Variants in PCDHGA4 observed in about 807,000 individuals in gnomAD.
The protein encoded by PCDHGA4 is protocadherin gamma-A4.
PCDHGA4 carries 38 observed loss-of-function variants against 54.6 expected under a neutral mutation model. That is an observed-to-expected ratio of 0.70 (90% CI 0.54 to 0.91). The LOEUF (loss-of-function observed/expected upper bound fraction) is 0.91. PCDHGA4 is among the 40% of genes least tolerant of loss of function. The pLI, the probability that PCDHGA4 is intolerant of heterozygous loss-of-function variation, is 0.00. For missense variants in PCDHGA4, 1,298 were observed against 1,220.9 expected (o/e 1.06, Z -0.94); for synonymous variants, 511 against 512.9 (o/e 1.00, Z 0.05).
chr5:141,476,023 G>T lies in PCDHGA4; in HGVS notation c.2515-18784G>T. On this transcript the variant is annotated intron_variant, in intron 1 of 3. Coordinates refer to ENST00000571252, the MANE Select transcript of PCDHGA4 (RefSeq NM_018917.4). The surrounding 1 kb of genome is among the most constrained non-coding windows in gnomAD (Gnocchi z 7.6). Reference sequence around the variant, plus strand: ...CATCCAGAAAGCCATGTCGGACTCGGCGCCCAGCGCCCAAGCGCTAACCCG... The same window carrying T: ...CATCCAGAAAGCCATGTCGGACTCGTCGCCCAGCGCCCAAGCGCTAACCCG... The T allele has an allele frequency of 7.1e-7, 1 of 1,415,690 alleles. No individual in the cohort carries two copies. Among genetic ancestry groups the T allele is most frequent in the Non-Finnish European group, 9.5e-7 (1 of 1,057,324 alleles). 87.7% of individuals were successfully genotyped at this position (1,415,690 alleles called of 1,614,324 possible).
rs1322608789 is a variant in PCDHGA4, at chr5:141,485,671, G to A, written c.2515-9136G>A. 3 of 1,612,860 alleles carry A rather than the reference G, an allele frequency of 1.9e-6. No homozygotes were observed. The highest frequency in any genetic ancestry group is 2.5e-6 in the Non-Finnish European group (3 of 1,179,040). On this transcript the variant is annotated intron_variant, in intron 1 of 3. Coordinates refer to ENST00000571252, the MANE Select transcript of PCDHGA4 (RefSeq NM_018917.4). This position sits in a 1 kb window ranked among gnomAD's most constrained non-coding sequence, Gnocchi z 5.7. Reference sequence around the variant, plus strand: ...AGGATGCAGATGTGGGGAGCAATTCGATTAGCAGCTATAGGCTGAGCTCCA... The same window carrying A: ...AGGATGCAGATGTGGGGAGCAATTCAATTAGCAGCTATAGGCTGAGCTCCA...
chr5:141,481,877 G>A (rs535267598), intron 1 of PCDHGA4, among the ~76,000 whole-genome samples: 4 of 144,402 alleles, frequency 2.8e-5, no homozygotes, highest in African/African-American at 7.8e-5. Context: ...TCGCGCCACT[G>A]CACTCCAGCC....
At position 141,423,201 on chromosome 5, in the gene PCDHGA4, C is replaced by T. The variant is rs749613139; in HGVS notation, c.2514+65580C>T. 24 of 1,613,628 alleles carry T rather than the reference C, an allele frequency of 1.5e-5. No homozygotes were observed. The South Asian group carries it at 1.5e-4, about 10-fold the overall frequency. ...ACGGCCAGCCCCCTCTCTCGGCCAC[C>T]GTCACGCTCACCGTGGCTGTGGCCG... On this transcript the variant is annotated intron_variant, in intron 1 of 3. Coordinates refer to ENST00000571252, the MANE Select transcript of PCDHGA4 (RefSeq NM_018917.4).
At chr5:141,375,448 A>G in intron 1 of PCDHGA4, 2 of 1,613,844 alleles carry the variant, frequency 1.2e-6, no homozygotes, top group South Asian at 1.1e-5. Flanking sequence ...TCCCCCATTC[A>G]TCCTACTCAG....
chr5:141,418,928 A>G, intron 1 of PCDHGA4: 1 of 1,613,978 alleles, frequency 6.2e-7, no homozygotes, highest in Non-Finnish European at 8.5e-7. Context: ...TGATCAGATT[A>G]TGGAGGATTC....
At position 141,356,223 on chromosome 5, in the gene PCDHGA4, T is replaced by C; in HGVS notation, c.1116T>C (p.Asn372=). ...TACTGGTGACAGTTCTGGATGAAAA[T>C]GACAACGCACCAGAAGTCACAGTTA... ...SKVLVTVLDE[N]DNAPEVTVTS... is the part of the protein sequence containing the mutation. The change falls in exon 1 of 4, where the codon AAT becomes AAC. Residue 372 remains asparagine, a synonymous_variant. Transcript: ENST00000571252. The C allele has an allele frequency of 6.3e-7, 1 of 1,598,278 alleles. No individual in the cohort carries two copies. The highest frequency in any genetic ancestry group is 8.5e-7 in the Non-Finnish European group (1 of 1,171,922).
rs1410460145 is a variant in PCDHGA4 at position 141,490,798 on chromosome 5, C to T, written c.2515-4009C>T. On this transcript the variant is annotated intron_variant, in intron 1 of 3. Coordinates refer to ENST00000571252, the MANE Select transcript of PCDHGA4 (RefSeq NM_018917.4). The surrounding 1 kb of genome is among the most constrained non-coding windows in gnomAD (Gnocchi z 5.4). The stretch of plus-strand genomic sequence containing the variant: ...AGAGGATGGACGGATCTTTGCCCAG[C>T]GTACCTTTGACTATGAATTGCTGCA... 9.3e-6 allele frequency: 15 copies of T among 1,613,808 alleles called. No individual in the cohort carries two copies. Among genetic ancestry groups the T allele is most frequent in the Admixed American group, 6.7e-5 (4 of 60,002 alleles).
chr5:141,356,781 C>G lies in PCDHGA4; in HGVS notation c.1674C>G (p.Asp558Glu). 6.2e-7 allele frequency: 1 copy of G among 1,613,996 alleles called. No individual in the cohort carries two copies. Among genetic ancestry groups the G allele is most frequent in the Non-Finnish European group, 8.5e-7 (1 of 1,179,858 alleles). The change falls in exon 1 of 4, where the codon GAC becomes GAG. Residue 558 changes from aspartate to glutamate, a missense_variant. Coordinates refer to ENST00000571252, the MANE Select transcript of PCDHGA4 (RefSeq NM_018917.4). ...CCTTCGACTATGAGCAGTTTAGAGA[C>G]CTGCAGCTGCTGATGACAGCCAGTG... Reference protein sequence around the residue: ...LCSFDYEQFRDLQLLMTASDS... With the variant: ...LCSFDYEQFRELQLLMTASDS...
chr5:141,366,708 T>G (rs374131113), intron 1 of PCDHGA4: 2 of 1,614,120 alleles, frequency 1.2e-6, no homozygotes, highest in African/African-American at 1.3e-5. Context: ...CCTCTTCTGA[T>G]GTCTGATAAG....
chr5:141,416,996 C>T (rs1280099812), intron 1 of PCDHGA4: 1 of 151,012 alleles, frequency 6.6e-6, no homozygotes. Flanking sequence ...GTGCATTCAT[C>T]TCAAATAATT....
At chr5:141,394,549 C>T in intron 1 of PCDHGA4, 1 of 1,614,140 alleles carries the variant, frequency 6.2e-7, no homozygotes, top group Non-Finnish European at 8.5e-7. Flanking sequence ...GAGCTGGCGC[C>T]CCGCTCCGCA....
intron 1 of PCDHGA4, among the ~76,000 whole-genome samples, chr5:141,436,998 A>T (rs985067199): frequency 6.6e-6 from 1 of 152,242 alleles, no homozygotes; most frequent in African/African-American, 2.4e-5. Context: ...GTTTACTTCA[A>T]TGGGATCTTA....
intron 1 of PCDHGA4, among the ~76,000 whole-genome samples, chr5:141,380,385 A>G (rs543895642): frequency 3.0e-4 from 46 of 152,380 alleles, no homozygotes; most frequent in Non-Finnish European, 8.8e-5. Context: ...AAAAAAGAAA[A>G]GAGAGAAGAT....
At chr5:141,374,686 C>T (rs765389244) in intron 1 of PCDHGA4, 5 of 1,609,642 alleles carry the variant, frequency 3.1e-6, no homozygotes, top group Non-Finnish European at 4.2e-6. Flanking sequence ...GCACACTGGA[C>T]CGGGAAGGAG....
At position 141,413,783 on chromosome 5, in the gene PCDHGA4, C is replaced by T. The variant is rs1418394305; in HGVS notation, c.2514+56162C>T. 3.7e-6 allele frequency: 6 copies of T among 1,613,096 alleles called. No individual in the cohort carries two copies. Among genetic ancestry groups the T allele is most frequent in the Non-Finnish European group, 4.2e-6 (5 of 1,179,878 alleles). On this transcript the variant is annotated intron_variant, in intron 1 of 3. Coordinates refer to ENST00000571252, the MANE Select transcript of PCDHGA4 (RefSeq NM_018917.4). ...TACCCGGAGCTGGTACTGGAGCACT[C>T]CCTAGATCGCGAGGAAGAGGCCATT...
intron 1 of PCDHGA4, chr5:141,370,958 CA>C (rs1167381959): frequency 6.2e-7 from 1 of 1,613,874 alleles, no homozygotes. Context: ...ACCTGGATGG[CA>C]GTAGGTACCC....
At chr5:141,360,915 T>C in intron 1 of PCDHGA4, 1 of 1,614,010 alleles carries the variant, frequency 6.2e-7, no homozygotes, top group South Asian at 1.1e-5. Flanking sequence ...CGGGCTTCTT[T>C]GTGCTTCAAG....
chr5:141,483,257 T>G, intron 1 of PCDHGA4, among the ~76,000 whole-genome samples: 1 of 137,924 alleles, frequency 7.3e-6, no homozygotes, highest in East Asian at 1.9e-4. Flanking sequence ...ATCATGAGGT[T>G]TTTTTGTTTT....
chr5:141,400,337 C>G (rs752660585), intron 1 of PCDHGA4: 7 of 1,614,080 alleles, frequency 4.3e-6, no homozygotes, highest in African/African-American at 2.7e-5. Flanking sequence ...GTGGTTCCCC[C>G]CAACTACAGT....
Sources: gnomAD v4.1 joint callset for allele counts (sites outside exome capture counted in the v4.1 genomes callset) on GRCh38, gnomAD v4.1.1 for gene constraint, Gnocchi (gnomAD v3.1) non-coding constraint, MANE v1.5 for transcripts, NCBI Gene and HGNC (gene_info 2026-07-23, HGNC 2026-07-21) for gene names.